TRPM3: variants seen among roughly 807,000 people sequenced by gnomAD.
TRPM3 encodes the protein long transient receptor potential channel 3.
In TRPM3, 77 loss-of-function variants were observed where a neutral mutation model predicts 181.2. The ratio of observed to expected loss-of-function variants is 0.42; its 90% confidence interval spans 0.35 to 0.51. The LOEUF is 0.51. TRPM3 is among the 20% of genes least tolerant of loss of function. TRPM3 has a pLI of 0.01. For missense variants in TRPM3, 1,759 were observed against 2,196.7 expected (o/e 0.80, Z 3.98); for synonymous variants, 745 against 796.4 (o/e 0.94, Z 1.09).
chr9:71,440,766 G>A (rs552865478), intron 1 of TRPM3, among the ~76,000 whole-genome samples: 174 of 152,268 alleles, frequency 1.1e-3, no homozygotes, highest in Non-Finnish European at 2.1e-3. Context: ...TTCTTTAAAC[G>A]TTGTTCTCTA....
At chr9:70,902,898 G>A (rs571168178) in intron 1 of TRPM3, among the ~76,000 whole-genome samples, 1 of 152,312 alleles carries the variant, frequency 6.6e-6, no homozygotes, top group African/African-American at 2.4e-5. Flanking sequence ...ATAAATAGCA[G>A]AGCAGATGTA....
Position 71,332,843 on chromosome 9 carries a change from G to A in TRPM3, c.183+113810C>T, listed in dbSNP as rs535399518. On this transcript the variant is annotated intron_variant, in intron 1 of 24. Transcript: ENST00000357533. The stretch of plus-strand genomic sequence containing the variant: ...AAAAAAACACAAATTAAGCTTTGCT[G>A]GTTTCTAAGTGTGACAACTTTTATG... Among the ~76,000 whole-genome samples, 2 of 151,950 alleles carry A rather than the reference G, an allele frequency of 1.3e-5. 1 individual carries two copies. The highest frequency in any genetic ancestry group is 4.8e-5 in the African/African-American group (2 of 41,450).
chr9:70,790,350 A>G (rs2085073152), intron 6 of TRPM3, among the ~76,000 whole-genome samples: 1 of 152,192 alleles, frequency 6.6e-6, no homozygotes, highest in Admixed American at 6.5e-5. Flanking sequence ...TAAGTGAGAG[A>G]TAACTTCCTG....
intron 6 of TRPM3, among the ~76,000 whole-genome samples, chr9:70,821,196 T>A (rs916136717): frequency 6.6e-6 from 1 of 152,234 alleles, no homozygotes; most frequent in Non-Finnish European, 1.5e-5. Context: ...ATTTTTAAGA[T>A]CTAGCCTATG....
chr9:70,803,033 TA>T (rs78461560), intron 6 of TRPM3, among the ~76,000 whole-genome samples: 22 of 42,900 alleles, frequency 5.1e-4, no homozygotes, highest in East Asian at 1.5e-3. Context: ...AGAAATTTTG[TA>T]AAAAAAAAAA....
chr9:71,210,580 T>C (rs2079431171), intron 1 of TRPM3, among the ~76,000 whole-genome samples: 1 of 152,132 alleles, frequency 6.6e-6, no homozygotes, highest in African/African-American at 2.4e-5. Flanking sequence ...CCCCAGAGTT[T>C]TGACCCATTT....
At chr9:70,958,393 A>T (rs2097101509) in intron 1 of TRPM3, among the ~76,000 whole-genome samples, 1 of 152,190 alleles carries the variant, frequency 6.6e-6, no homozygotes, top group South Asian at 2.1e-4. Context: ...TTACAGTCCC[A>T]CCAACAGTGT....
chr9:71,275,066 GA>G (rs56302331), intron 1 of TRPM3, among the ~76,000 whole-genome samples: 76,487 of 150,882 alleles, frequency 0.51, 19,362 homozygotes, highest in African/African-American at 0.56. Flanking sequence ...GTAAGGCAAG[GA>G]AAAAAAAATA....
intron 3 of TRPM3, among the ~76,000 whole-genome samples, chr9:70,856,406 G>T (rs1341383991): frequency 6.6e-6 from 1 of 152,168 alleles, no homozygotes; most frequent in Non-Finnish European, 1.5e-5. Context: ...CTATTGATCA[G>T]CTATTTTGTT....
chr9:70,650,632 T>G (rs1315236899), intron 9 of TRPM3, among the ~76,000 whole-genome samples: 1 of 152,174 alleles, frequency 6.6e-6, no homozygotes, highest in Non-Finnish European at 1.5e-5. Context: ...CAGTTATGCT[T>G]TTGTTGGATC....
chr9:71,061,281 A>G lies in TRPM3; in HGVS notation c.177+59897T>C, dbSNP rs1277575402. On this transcript the variant is annotated intron_variant, in intron 1 of 25. Transcript: ENST00000677713. ...CATGGGGAATATGTAATCTTTTTAA[A>G]TGAATGGATAAAAGATAGAGATAAC... is the stretch of plus-strand genomic sequence containing the variant. 2.6e-5 allele frequency among the ~76,000 whole-genome samples: 4 copies of G among 152,116 alleles called. No homozygotes were observed. The East Asian group carries it at 7.7e-4, about 29-fold the overall frequency.
chr9:71,283,250 G>A (rs1178584885), intron 1 of TRPM3, among the ~76,000 whole-genome samples: 1 of 152,122 alleles, frequency 6.6e-6, no homozygotes, highest in African/African-American at 2.4e-5. Flanking sequence ...TTAGCATGAT[G>A]TCCTTAAACT....
At chr9:71,311,541 G>A (rs931445983) in intron 1 of TRPM3, among the ~76,000 whole-genome samples, 1 of 152,030 alleles carries the variant, frequency 6.6e-6, no homozygotes, top group Middle Eastern at 3.2e-3. Flanking sequence ...AATGGTACTG[G>A]AACAACTGGA....
intron 6 of TRPM3, among the ~76,000 whole-genome samples, chr9:70,801,065 A>G (rs1056684949): frequency 6.6e-6 from 1 of 152,206 alleles, no homozygotes; most frequent in South Asian, 2.1e-4. Context: ...AGAATTTATC[A>G]TACAATTAGG....
chr9:71,159,305 G>A (rs150891882), intron 1 of TRPM3, among the ~76,000 whole-genome samples: 18 of 151,972 alleles, frequency 1.2e-4, no homozygotes, highest in African/African-American at 4.1e-4. Flanking sequence ...AGTATTGAAC[G>A]CAATGATCTA....
intron 1 of TRPM3, among the ~76,000 whole-genome samples, chr9:71,200,706 G>T (rs1342444179): frequency 7.9e-5 from 12 of 152,098 alleles, no homozygotes; most frequent in South Asian, 2.1e-4. Flanking sequence ...CCCTGCCTTT[G>T]TTTGTTTTCC....
intron 1 of TRPM3, among the ~76,000 whole-genome samples, chr9:71,036,939 C>A (rs12552966): frequency 1.3e-5 from 2 of 152,088 alleles, no homozygotes; most frequent in Non-Finnish European, 2.9e-5. Context: ...CCCACTACAA[C>A]ATGATTGTAG....
At chr9:71,098,165 G>A (rs886514075) in intron 1 of TRPM3, among the ~76,000 whole-genome samples, 19 of 151,786 alleles carry the variant, frequency 1.3e-4, no homozygotes, top group Non-Finnish European at 2.8e-4. Flanking sequence ...TAGGACCATG[G>A]GTTACTCTGA....
intron 1 of TRPM3, among the ~76,000 whole-genome samples, chr9:70,878,716 G>A (rs767336397): frequency 6.6e-5 from 10 of 152,006 alleles, no homozygotes; most frequent in African/African-American, 2.2e-4. Flanking sequence ...TTCACAAACA[G>A]TTTGTGGGCC....
Sources: allele counts gnomAD v4.1 joint callset (sites outside exome capture counted in the v4.1 genomes callset), GRCh38; gene constraint gnomAD v4.1.1; transcripts MANE v1.5; gene names NCBI Gene and HGNC (gene_info 2026-07-23, HGNC 2026-07-21).